The following DLG2 variants were observed in gnomAD, a reference collection of about 807,000 sequenced individuals.
The protein encoded by DLG2 is disks large homolog 2.
Under a neutral mutation model 132.5 loss-of-function variants are expected in DLG2, and 45 were observed. The ratio of observed to expected loss-of-function variants is 0.34; its 90% CI spans 0.27 to 0.44. DLG2 has a LOEUF of 0.44. Ranked by LOEUF, DLG2 falls within the 20% of genes least tolerant of loss-of-function variation. The probability of loss-of-function intolerance (pLI) is 1.00; values close to 1 mark genes in which losing one functional copy is unlikely to be tolerated. For missense variants in DLG2, 1,045 were observed against 1,196.9 expected, an observed-to-expected ratio of 0.87 and a Z score of 1.87; for synonymous variants, 424 against 419.6, an observed-to-expected ratio of 1.01 and a Z score of -0.13.
chr11:85,204,499 TG>T (rs1159057337), intron 4 of DLG2, among the ~76,000 whole-genome samples: 1 of 152,044 alleles, frequency 6.6e-6, no homozygotes, highest in Non-Finnish European at 1.5e-5. Context: ...ATCTCTTCAA[TG>T]ACAATTATAA....
At chr11:84,714,627 C>CTTTCTCTTTCTCTTTCTCTTTCTCTT (rs1253592204) in intron 6 of DLG2, among the ~76,000 whole-genome samples, 8 of 107,290 alleles carry the variant, frequency 7.5e-5, no homozygotes, top group African/African-American at 3.3e-4. Context: ...TTCTCTTTCT[C>CTTTCTCTTTCTCTTTCTCTTTCTCTT]TCTCTCTCTC....
At chr11:84,410,511 G>A (rs76249344) in intron 7 of DLG2, among the ~76,000 whole-genome samples, 4,813 of 148,534 alleles carry the variant, frequency 0.032, 141 homozygotes, top group South Asian at 0.17. Context: ...AAGAAAAAGT[G>A]TATAGAAAAC....
chr11:84,971,340 G>A (rs1398194139), intron 6 of DLG2, among the ~76,000 whole-genome samples: 2 of 152,304 alleles, frequency 1.3e-5, no homozygotes, highest in African/African-American at 2.4e-5. Context: ...ATAGACATAA[G>A]GATGAAAAAG....
intron 6 of DLG2, among the ~76,000 whole-genome samples, chr11:84,564,126 G>A (rs1252110362): frequency 6.6e-6 from 1 of 152,204 alleles, no homozygotes; most frequent in Non-Finnish European, 1.5e-5. Context: ...ATTTTATCCA[G>A]GGTAAGCCTA....
intron 6 of DLG2, among the ~76,000 whole-genome samples, chr11:84,974,097 G>C (rs2054520076): frequency 6.6e-6 from 1 of 152,202 alleles, no homozygotes; most frequent in South Asian, 2.1e-4. Flanking sequence ...GGAAGTAGGA[G>C]AGGGAAAGCC....
intron 6 of DLG2, among the ~76,000 whole-genome samples, chr11:84,665,947 A>G (rs1485001457): frequency 2.0e-5 from 3 of 152,200 alleles, no homozygotes; most frequent in African/African-American, 7.2e-5. Context: ...CTGAGTTCAC[A>G]TTATAAACTA....
intron 3 of DLG2, among the ~76,000 whole-genome samples, chr11:85,430,099 A>G (rs2153010876): frequency 6.6e-6 from 1 of 152,066 alleles, no homozygotes; most frequent in South Asian, 2.1e-4. Context: ...TCAGCAAACT[A>G]TCGCAAGGAC....
At chr11:83,692,883 A>G (rs1163871907) in intron 18 of DLG2, 1 of 152,112 alleles carries the variant, frequency 6.6e-6, no homozygotes, top group Non-Finnish European at 1.5e-5. Context: ...CTTGGCCCAT[A>G]AAAATAATCC....
At chr11:84,766,641 C>G (rs1182140597) in intron 6 of DLG2, among the ~76,000 whole-genome samples, 1 of 152,002 alleles carries the variant, frequency 6.6e-6, no homozygotes, top group Non-Finnish European at 1.5e-5. Context: ...CATTCAGTTT[C>G]AAATCATTCA....
chr11:84,727,288 G>C (rs2062598052), intron 6 of DLG2, among the ~76,000 whole-genome samples: 4 of 152,102 alleles, frequency 2.6e-5, no homozygotes, highest in Admixed American at 2.6e-4. Context: ...GTAAGGAACG[G>C]GTCCAGTGTC....
chr11:84,869,714 ACT>A (rs2085169629), intron 6 of DLG2, among the ~76,000 whole-genome samples: 1 of 152,130 alleles, frequency 6.6e-6, no homozygotes, highest in African/African-American at 2.4e-5. Flanking sequence ...TCTAGACTAT[ACT>A]CTCTGAGGAA....
At chr11:83,485,024 C>G (rs2137599978) in intron 21 of DLG2, among the ~76,000 whole-genome samples, 1 of 152,146 alleles carries the variant, frequency 6.6e-6, no homozygotes, top group South Asian at 2.1e-4. Flanking sequence ...GGCAATCAAC[C>G]AAAATCTGTT....
At chr11:84,570,246 T>C (rs1196625289) in intron 6 of DLG2, among the ~76,000 whole-genome samples, 1 of 152,184 alleles carries the variant, frequency 6.6e-6, no homozygotes, top group Non-Finnish European at 1.5e-5. Flanking sequence ...TTGCCATTGA[T>C]TGTGTTGTCC....
chr11:84,118,828 G>A (rs1464557589), intron 9 of DLG2, among the ~76,000 whole-genome samples: 1 of 152,106 alleles, frequency 6.6e-6, no homozygotes, highest in Non-Finnish European at 1.5e-5. Context: ...TTCCTACACT[G>A]AAGTCCAAGG....
intron 3 of DLG2, among the ~76,000 whole-genome samples, chr11:85,346,218 C>T (rs539427407): frequency 2.0e-5 from 3 of 150,916 alleles, no homozygotes; most frequent in Admixed American, 6.6e-5. Flanking sequence ...GACAGAGTCT[C>T]GTTCTGTTGC....
chr11:85,370,635 G>A (rs552291875), intron 3 of DLG2, among the ~76,000 whole-genome samples: 1 of 152,066 alleles, frequency 6.6e-6, no homozygotes, highest in African/African-American at 2.4e-5. Context: ...CGGTACTCTG[G>A]AATTCTATTT....
intron 8 of DLG2, among the ~76,000 whole-genome samples, chr11:84,241,580 T>C (rs1223912810): frequency 6.6e-6 from 1 of 151,698 alleles, no homozygotes; most frequent in East Asian, 1.9e-4. Context: ...TGTTTAAAGG[T>C]CCCAAGTGAT....
chr11:84,260,698 T>A (rs1369651626), intron 7 of DLG2, among the ~76,000 whole-genome samples: 2 of 152,136 alleles, frequency 1.3e-5, no homozygotes, highest in African/African-American at 4.8e-5. Flanking sequence ...TATAGAGAAG[T>A]AAACAGAGGC....
chr11:84,768,691 C>A (rs2068789332), intron 6 of DLG2, among the ~76,000 whole-genome samples: 1 of 151,916 alleles, frequency 6.6e-6, no homozygotes, highest in South Asian at 2.1e-4. Context: ...AACCCTAGGA[C>A]AAATTATAAA....
Sources: gnomAD v4.1 joint callset for allele counts (sites outside exome capture counted in the v4.1 genomes callset) on GRCh38, gnomAD v4.1.1 for gene constraint, MANE v1.5 for transcripts, NCBI Gene and HGNC (gene_info 2026-07-23, HGNC 2026-07-21) for gene names.